SPC25: variants seen among roughly 807,000 people sequenced by gnomAD.
SPC25 encodes the protein SPC25 component of NDC80 kinetochore complex.
SPC25 carries 22 observed loss-of-function variants against 29.6 expected under a neutral mutation model. That is an observed-to-expected ratio of 0.74 (90% CI 0.53 to 1.06). The LOEUF (loss-of-function observed/expected upper bound fraction) is 1.06, where lower values mean the gene tolerates loss of function less well. Ranked by LOEUF, SPC25 falls within the 50% of genes least tolerant of loss-of-function variation. The pLI, the probability that SPC25 is intolerant of heterozygous loss-of-function variation, is 0.00. For synonymous variants in SPC25, 91 were observed against 90.4 expected (o/e 1.01, Z -0.04); for missense variants, 230 against 255.8 (o/e 0.90, Z 0.69).
intron 4 of SPC25, chr2:168,863,281 T>C: frequency 1.4e-5 from 6 of 424,882 alleles, no homozygotes; most frequent in Non-Finnish European, 1.9e-5. Context: ...GAGGGAGAAC[T>C]TAGAGACCGA....
intron 4 of SPC25, among the ~76,000 whole-genome samples, chr2:168,862,852 G>T (rs13016739): frequency 6.6e-6 from 1 of 152,186 alleles, no homozygotes; most frequent in African/African-American, 2.4e-5. Flanking sequence ...AACGTTATGG[G>T]AGAAAGAATA....
chr2:168,886,247 G>A (rs1427346846), intron 3 of SPC25, among the ~76,000 whole-genome samples: 2 of 151,862 alleles, frequency 1.3e-5, no homozygotes, highest in Non-Finnish European at 2.9e-5. Flanking sequence ...ATTGAGACAA[G>A]GTCTCACTAT....
intron 5 of SPC25, among the ~76,000 whole-genome samples, chr2:168,874,112 A>C (rs1015029147): frequency 3.9e-5 from 6 of 152,212 alleles, no homozygotes; most frequent in African/African-American, 1.4e-4. Context: ...AAAAATGGCC[A>C]TTAAGTCCAC....
intron 4 of SPC25, among the ~76,000 whole-genome samples, chr2:168,861,726 G>A (rs1306416037): frequency 1.3e-5 from 2 of 152,102 alleles, no homozygotes; most frequent in Non-Finnish European, 2.9e-5. Flanking sequence ...GCTATTTCAT[G>A]TATTATAATA....
At chr2:168,869,579 C>T (rs1221869265), downstream of SPC25, among the ~76,000 whole-genome samples, 2 of 151,810 alleles carry the variant, frequency 1.3e-5, no homozygotes, top group African/African-American at 4.9e-5. Context: ...AAACAGAGAG[C>T]CAAATCATGA....
chr2:168,869,764 G>A (rs1236381522), downstream of SPC25, among the ~76,000 whole-genome samples: 1 of 152,160 alleles, frequency 6.6e-6, no homozygotes, highest in East Asian at 1.9e-4. Context: ...TCAATATCAT[G>A]AAAATGGCCA....
intron 1 of SPC25, among the ~76,000 whole-genome samples, chr2:168,889,838 C>T (rs114809838): frequency 1.0e-3 from 156 of 152,268 alleles, no homozygotes; most frequent in African/African-American, 3.7e-3. Context: ...ACTTCTGAAA[C>T]CCCTGATCCA....
chr2:168,888,957 G>GTGTGTGTA (rs1183281593), intron 3 of SPC25, among the ~76,000 whole-genome samples: 2 of 91,676 alleles, frequency 2.2e-5, no homozygotes, highest in African/African-American at 4.6e-5. Context: ...GTGTGTGTGT[G>GTGTGTGTA]TATATATATA....
At chr2:168,888,959 A>G (rs865846395) in intron 3 of SPC25, among the ~76,000 whole-genome samples, 3,750 of 66,440 alleles carry the variant, frequency 0.056, 358 homozygotes, top group East Asian at 0.4. Context: ...GTGTGTGTGT[A>G]TATATATATA....
In SPC25 at chr2:168,890,321, C is replaced by G; in HGVS notation, c.-18G>C. ...GCTCGGCGCCCAACTCCCTTACCTT[C>G]GCAGGCAGGCCTGAGTCCCGCCGCC... On this transcript the variant is annotated 5_prime_UTR_variant, in exon 1 of 7. Transcript: ENST00000282074. 2.0e-6 allele frequency: 2 copies of G among 985,494 alleles called. No individual in the cohort carries two copies. Among genetic ancestry groups the G allele is most frequent in the East Asian group, 2.3e-4 (2 of 8,812 alleles). The allele number at this position is 985,494 out of a possible 1,614,324, so 61.0% of individuals were successfully genotyped here.
At chr2:168,880,580 C>T (rs1420812515) in intron 3 of SPC25, among the ~76,000 whole-genome samples, 1 of 152,348 alleles carries the variant, frequency 6.6e-6, no homozygotes, top group South Asian at 2.1e-4. Context: ...CGTGTGTTCA[C>T]TGAATTAGCA....
intron 5 of SPC25, among the ~76,000 whole-genome samples, chr2:168,874,244 G>A (rs2105824210): frequency 6.6e-6 from 1 of 152,326 alleles, no homozygotes; most frequent in Non-Finnish European, 1.5e-5. Flanking sequence ...TGGTGAGGAT[G>A]TGGAGAAACT....
chr2:168,869,137 C>G (rs1314672895), downstream of SPC25, among the ~76,000 whole-genome samples: 1 of 152,090 alleles, frequency 6.6e-6, no homozygotes, highest in Non-Finnish European at 1.5e-5. Flanking sequence ...GCGGAAAAGG[C>G]CTTTGACAAA....
intron 4 of SPC25, among the ~76,000 whole-genome samples, chr2:168,861,771 A>G (rs1689466151): frequency 6.6e-6 from 1 of 152,252 alleles, no homozygotes; most frequent in African/African-American, 2.4e-5. Flanking sequence ...CAGTCCATAC[A>G]TATAGAAAGT....
chr2:168,882,558 C>T (rs930058141), intron 3 of SPC25, among the ~76,000 whole-genome samples: 1 of 152,126 alleles, frequency 6.6e-6, no homozygotes, highest in African/African-American at 2.4e-5. Context: ...GCTGCGATCA[C>T]GCCACTGCAC....
chr2:168,864,031 C>T (rs1689675443), intron 4 of SPC25, among the ~76,000 whole-genome samples: 1 of 151,618 alleles, frequency 6.6e-6, no homozygotes, highest in Non-Finnish European at 1.5e-5. Context: ...CTGCCTCAGT[C>T]TCCCAAGCTC....
chr2:168,881,390 A>T (rs1176387490), intron 3 of SPC25, among the ~76,000 whole-genome samples: 1 of 152,200 alleles, frequency 6.6e-6, no homozygotes, highest in African/African-American at 2.4e-5. Context: ...GGAAAGGAGT[A>T]ACCCTGGCAG....
chr2:168,864,940 A>C (rs1193947496), intron 4 of SPC25: 1 of 1,614,138 alleles, frequency 6.2e-7, no homozygotes, highest in East Asian at 2.2e-5. Context: ...AGTTACCTTC[A>C]AATGCTGGCA....
chr2:168,861,816 A>T, intron 4 of SPC25: 1 of 683,730 alleles, frequency 1.5e-6, no homozygotes, highest in Non-Finnish European at 2.5e-6. Flanking sequence ...AGGAATGAAC[A>T]TTATATAAAA....
Sources: allele counts gnomAD v4.1 joint callset (sites outside exome capture counted in the v4.1 genomes callset), GRCh38; gene constraint gnomAD v4.1.1; transcripts MANE v1.5; gene names NCBI Gene and HGNC (gene_info 2026-07-23, HGNC 2026-07-21).